CYSTM1: variants seen among roughly 807,000 people sequenced by gnomAD.
CYSTM1 encodes cysteine rich transmembrane module containing 1, also known as cysteine-rich transmembrane module-containing protein 1.
In CYSTM1, 4 loss-of-function variants were observed where a neutral mutation model predicts 13.1. The ratio of observed to expected loss-of-function variants is 0.31; its 90% CI spans 0.15 to 0.70. CYSTM1 has a LOEUF of 0.70. CYSTM1 is among the 30% of genes least tolerant of loss of function. CYSTM1 has a pLI of 0.72. For synonymous variants in CYSTM1, 36 were observed against 42.7 expected (o/e 0.84, Z 0.62); for missense variants, 96 against 121.6 (o/e 0.79, Z 0.99).
chr5:140,191,261 A>C (rs1038262691), intron 1 of CYSTM1, among the ~76,000 whole-genome samples: 1 of 152,232 alleles, frequency 6.6e-6, no homozygotes, highest in African/African-American at 2.4e-5. Context: ...ATTGGGAACA[A>C]AGGGAAAGAG....
At chr5:140,237,021 G>A (rs1173442015) in intron 2 of CYSTM1, among the ~76,000 whole-genome samples, 1 of 152,168 alleles carries the variant, frequency 6.6e-6, no homozygotes, top group Non-Finnish European at 1.5e-5. Context: ...ATGCACCCAG[G>A]AGTTCCCTCA....
chr5:140,179,076 C>G (rs1337457834), intron 1 of CYSTM1, among the ~76,000 whole-genome samples: 1 of 150,448 alleles, frequency 6.6e-6, no homozygotes, highest in East Asian at 2.0e-4. Flanking sequence ...CTGAGCAACA[C>G]AGGGAGACCC....
intron 1 of CYSTM1, among the ~76,000 whole-genome samples, chr5:140,183,496 C>T (rs1238972572): frequency 1.3e-5 from 2 of 152,184 alleles, no homozygotes; most frequent in Non-Finnish European, 2.9e-5. Flanking sequence ...TCAGAGATCC[C>T]TACCCTATTT....
rs977390458 is a variant in CYSTM1 at position 140,219,944 on chromosome 5, C to G, written c.188-23361C>G. On this transcript the variant is annotated intron_variant, in intron 2 of 2. Coordinates refer to ENST00000261811, the MANE Select transcript of CYSTM1 (RefSeq NM_032412.4). This position sits in a 1 kb window ranked among gnomAD's most constrained non-coding sequence, Gnocchi z 4.1. ...ATTTGGGCAAGTTCCAAAGAGCCAGCTCCACTCAAAGTAACTTCTCTCTTT... is the reference window on the plus strand; with the variant it reads ...ATTTGGGCAAGTTCCAAAGAGCCAGGTCCACTCAAAGTAACTTCTCTCTTT... 3.9e-5 allele frequency among the ~76,000 whole-genome samples: 6 copies of G among 152,196 alleles called. No individual in the cohort carries two copies. The highest frequency in any genetic ancestry group is 7.3e-5 in the Non-Finnish European group (5 of 68,038).
Position 140,188,070 on chromosome 5 carries a change from C to CTTT in CYSTM1, c.-20-6360_-20-6358dup, listed in dbSNP as rs71276334. Among the ~76,000 whole-genome samples the CTTT allele has an allele frequency of 6.8e-3, 906 of 133,478 alleles. 7 individuals carry two copies. The highest frequency in any genetic ancestry group is 0.023 in the African/African-American group (820 of 35,924). The allele number at this position is 133,478 out of a possible 152,430, so 87.6% of individuals were successfully genotyped here. ...TTTAAAAAATATTTGTTAATTTTAA[C>CTTT]TTTTTTTTTTTTTTTTTTAGAGACA... On this transcript the variant is annotated intron_variant, in intron 1 of 2. Transcript: ENST00000261811.
At chr5:140,196,999 G>A (rs943395080) in intron 2 of CYSTM1, among the ~76,000 whole-genome samples, 9 of 152,196 alleles carry the variant, frequency 5.9e-5, no homozygotes, top group Non-Finnish European at 1.0e-4. Context: ...TTTGCTGTAC[G>A]TTTTATGTCA....
At chr5:140,223,806 A>T (rs951683956) in intron 2 of CYSTM1, among the ~76,000 whole-genome samples, 1 of 152,210 alleles carries the variant, frequency 6.6e-6, no homozygotes, top group African/African-American at 2.4e-5. Flanking sequence ...GCACTGGGGT[A>T]GGCAAGCCAT....
chr5:140,214,837 A>G (rs1468151727), intron 2 of CYSTM1, among the ~76,000 whole-genome samples: 3 of 152,234 alleles, frequency 2.0e-5, no homozygotes, highest in Non-Finnish European at 4.4e-5. Context: ...TCCCTATGTC[A>G]GCTGCACTCT....
chr5:140,177,280 CTATTT>C (rs1282498417), intron 1 of CYSTM1, among the ~76,000 whole-genome samples: 1 of 151,588 alleles, frequency 6.6e-6, no homozygotes, highest in East Asian at 1.9e-4. Flanking sequence ...ACACAGCTGT[CTATTT>C]TATTTTATTT....
chr5:140,209,433 A>ATTT (rs558015356), intron 2 of CYSTM1, among the ~76,000 whole-genome samples: 1 of 86,672 alleles, frequency 1.2e-5, no homozygotes. Context: ...TGCCTGGCTA[A>ATTT]TTTTTTTTTT....
chr5:140,190,411 AG>A (rs1388812826), intron 1 of CYSTM1, among the ~76,000 whole-genome samples: 1 of 152,124 alleles, frequency 6.6e-6, no homozygotes, highest in Non-Finnish European at 1.5e-5. Flanking sequence ...GTCCATTAGA[AG>A]TTCAGTGTGC....
intron 2 of CYSTM1, among the ~76,000 whole-genome samples, chr5:140,209,638 C>A (rs1444293940): frequency 6.6e-6 from 1 of 152,162 alleles, no homozygotes; most frequent in Non-Finnish European, 1.5e-5. Context: ...CCATATTGAC[C>A]AGACTGGTCT....
intron 2 of CYSTM1, among the ~76,000 whole-genome samples, chr5:140,208,818 T>C (rs1764328984): frequency 6.6e-6 from 1 of 152,130 alleles, no homozygotes; most frequent in Non-Finnish European, 1.5e-5. Flanking sequence ...GGCAGGCGGA[T>C]CACGAGGTCA....
At chr5:140,201,705 G>A (rs1764236315) in intron 2 of CYSTM1, 1 of 152,074 alleles carries the variant, frequency 6.6e-6, no homozygotes, top group South Asian at 2.1e-4. Flanking sequence ...CTTGCTCTTA[G>A]TGTTTAGGCT....
intron 2 of CYSTM1, among the ~76,000 whole-genome samples, chr5:140,199,908 C>T (rs1764206359): frequency 6.6e-6 from 1 of 152,194 alleles, no homozygotes; most frequent in African/African-American, 2.4e-5. Context: ...TTTTTGGACG[C>T]ATAAATGTCT....
chr5:140,242,500 A>G (rs572376961), intron 2 of CYSTM1, among the ~76,000 whole-genome samples: 2 of 152,332 alleles, frequency 1.3e-5, no homozygotes, highest in Admixed American at 6.5e-5. Context: ...TTGTTTTGAG[A>G]TTTTCAGTGG....
intron 2 of CYSTM1, among the ~76,000 whole-genome samples, chr5:140,222,316 C>CT (rs777272071): frequency 1.2e-4 from 19 of 152,134 alleles, no homozygotes; most frequent in African/African-American, 4.6e-4. Context: ...GTGTAACTTC[C>CT]TAGGAAAGTA....
intron 2 of CYSTM1, among the ~76,000 whole-genome samples, chr5:140,204,503 C>T (rs1764272598): frequency 6.6e-6 from 1 of 152,078 alleles, no homozygotes; most frequent in Non-Finnish European, 1.5e-5. Context: ...CAGCCTTTTC[C>T]CTTCCTTATC....
intron 2 of CYSTM1, among the ~76,000 whole-genome samples, chr5:140,233,463 G>A (rs976105828): frequency 2.6e-5 from 4 of 152,122 alleles, no homozygotes; most frequent in Admixed American, 6.5e-5. Context: ...AAACATTGAC[G>A]TTCAGGTTTT....
Sources: allele counts gnomAD v4.1 joint callset (sites outside exome capture counted in the v4.1 genomes callset), GRCh38; gene constraint gnomAD v4.1.1; non-coding constraint Gnocchi (gnomAD v3.1); transcripts MANE v1.5; gene names NCBI Gene and HGNC (gene_info 2026-07-23, HGNC 2026-07-21).